The following BAG3 variants were observed in gnomAD, a reference collection of about 807,000 sequenced individuals.
BAG3 encodes BAG cochaperone 3.
Under a neutral mutation model 40.5 loss-of-function variants are expected in BAG3, and 14 were observed. The ratio of observed to expected loss-of-function variants is 0.35; its 90% CI spans 0.23 to 0.54. BAG3 has a LOEUF of 0.54. BAG3 is among the 20% of genes least tolerant of loss of function. BAG3 has a pLI of 0.91. For missense variants in BAG3, 788 were observed against 758.6 expected (o/e 1.04, Z -0.46); for synonymous variants, 302 against 307.8 (o/e 0.98, Z 0.20).
Position 119,676,808 on chromosome 10 carries a change from A to C in BAG3, c.1254A>C (p.Lys418Asn). ...CAGGAGAAGCCGAGGCTCCCCCAAA[A>C]CATCCAGGAGTGCTGAAAGTGGAAG... ...PKPGEAEAPP[K>N]HPGVLKVEAI... The change falls in exon 4 of 4, where the codon AAA becomes AAC. Residue 418 changes from lysine to asparagine, a missense_variant. Coordinates refer to ENST00000369085, the MANE Select transcript of BAG3 (RefSeq NM_004281.4). 6.2e-7 allele frequency: 1 copy of C among 1,614,110 alleles called. No individual in the cohort carries two copies. Among genetic ancestry groups the C allele is most frequent in the Non-Finnish European group, 8.5e-7 (1 of 1,180,012 alleles).
rs751900650 is a variant in BAG3 at position 119,676,703 on chromosome 10, C to T, written c.1149C>T (p.Val383=). ...CTCCCAGCCCTGGCCCTTCTGCTGT[C>T]CCCTCTTCCCCCAAGAGTGTGGCTA... ...CPPPSPGPSA[V]PSSPKSVATE... Residue 383 remains valine (V), a synonymous_variant, in exon 4 of 4, where the codon GTC becomes GTT. Transcript: ENST00000369085. The T allele has an allele frequency of 2.5e-6, 4 of 1,614,162 alleles. No homozygotes were observed. The highest frequency in any genetic ancestry group is 1.1e-5 in the South Asian group (1 of 91,080).
intron 1 of BAG3, among the ~76,000 whole-genome samples, chr10:119,665,092 T>TTTTTGTG (rs1554876558): frequency 1.1e-5 from 1 of 87,970 alleles, no homozygotes; most frequent in Non-Finnish European, 2.3e-5. Context: ...TAATTTTTGT[T>TTTTTGTG]TGTGTGTGTG....
intron 1 of BAG3, among the ~76,000 whole-genome samples, chr10:119,669,649 C>T (rs181526237): frequency 5.3e-5 from 8 of 152,248 alleles, no homozygotes; most frequent in Admixed American, 5.2e-4. Flanking sequence ...CTCCTGATGC[C>T]CCTAATTCCT....
Position 119,677,687 on chromosome 10 carries a change from C to T in BAG3, c.*405C>T. 1 of 241,002 alleles carries T rather than the reference C, an allele frequency of 4.1e-6. No homozygotes were observed. The allele number at this position is 241,002 out of a possible 1,614,324, so 14.9% of individuals were successfully genotyped here. A position where few individuals can be genotyped will look rare whatever the true frequency, so the allele number is the denominator to read the frequency against. On this transcript the variant is annotated 3_prime_UTR_variant, in exon 4 of 4. Transcript: ENST00000369085. ...GTTGCCATTTTAATGAGATGATTTT[C>T]TTCATCTCATAATTAAAATACCTGA...
intron 3 of BAG3, 88 bp from the exon 4 acceptor site, chr10:119,676,374 TCA>T: frequency 7.3e-7 from 1 of 1,378,788 alleles, no homozygotes; most frequent in African/African-American, 1.5e-5. Context: ...AAGCCATTTC[TCA>T]GTTTTCTTTC....
At chr10:119,664,779 C>T (rs1019086021) in intron 1 of BAG3, among the ~76,000 whole-genome samples, 2 of 152,180 alleles carry the variant, frequency 1.3e-5, no homozygotes, top group African/African-American at 4.8e-5. Context: ...ATGTTTTAGT[C>T]AGATTCTAGA....
At position 119,677,311 on chromosome 10, in the gene BAG3, A is replaced by AC; in HGVS notation, c.*31dup. The AC allele has an allele frequency of 6.2e-7, 1 of 1,612,484 alleles. No homozygotes were observed. Among genetic ancestry groups the AC allele is most frequent in the African/African-American group, 1.3e-5 (1 of 74,990 alleles). Reference sequence around the variant, plus strand: ...CTGCCCTGTAAAAATCAGACTCGGAACCGATGTGTGCTTTAGGGAATTTTA... The same window carrying AC: ...CTGCCCTGTAAAAATCAGACTCGGAACCCGATGTGTGCTTTAGGGAATTTTA... On this transcript the variant is annotated 3_prime_UTR_variant, in exon 4 of 4. Coordinates refer to ENST00000369085, the MANE Select transcript of BAG3 (RefSeq NM_004281.4).
intron 1 of BAG3, among the ~76,000 whole-genome samples, chr10:119,660,148 T>C (rs989944049): frequency 6.6e-6 from 1 of 152,164 alleles, no homozygotes; most frequent in African/African-American, 2.4e-5. Context: ...ACGTGTGCCC[T>C]GGTGAGGGGC....
At chr10:119,659,969 A>C (rs1846970173) in intron 1 of BAG3, among the ~76,000 whole-genome samples, 1 of 152,050 alleles carries the variant, frequency 6.6e-6, no homozygotes, top group South Asian at 2.1e-4. Flanking sequence ...CATGCCCTGA[A>C]GCTAACTTCA....
intron 1 of BAG3, among the ~76,000 whole-genome samples, chr10:119,661,663 GA>G (rs1448694898): frequency 5.3e-5 from 8 of 152,156 alleles, no homozygotes; most frequent in Admixed American, 5.2e-4. Flanking sequence ...AGGCATATTA[GA>G]TAAAGCCTCC....
intron 1 of BAG3, among the ~76,000 whole-genome samples, chr10:119,659,391 C>T (rs1238148478): frequency 1.3e-5 from 2 of 152,204 alleles, no homozygotes; most frequent in Non-Finnish European, 2.9e-5. Context: ...TGAGGGGGGA[C>T]ATCAGCCCAC....
At chr10:119,675,835 CT>C (rs1847218676) in intron 3 of BAG3, among the ~76,000 whole-genome samples, 1 of 47,032 alleles carries the variant, frequency 2.1e-5, no homozygotes, top group Non-Finnish European at 4.5e-5. Flanking sequence ...CCCCTTCCCC[CT>C]TCCCTCCTTC....
intron 1 of BAG3, among the ~76,000 whole-genome samples, chr10:119,664,361 A>G (rs1847031406): frequency 6.6e-6 from 1 of 152,218 alleles, no homozygotes; most frequent in Admixed American, 6.5e-5. Flanking sequence ...TGCAATGCAC[A>G]AACAAGGGGG....
At chr10:119,667,971 C>T (rs550431578) in intron 1 of BAG3, among the ~76,000 whole-genome samples, 4 of 152,354 alleles carry the variant, frequency 2.6e-5, no homozygotes, top group Non-Finnish European at 4.4e-5. Context: ...GTTTCTTCAG[C>T]GCCTCTTGCT....
chr10:119,655,010 C>T (rs959781314), intron 1 of BAG3, among the ~76,000 whole-genome samples: 6 of 152,128 alleles, frequency 3.9e-5, no homozygotes, highest in Admixed American at 2.0e-4. Context: ...AGTGTAGGGC[C>T]CAGAAAACTA....
intron 1 of BAG3, among the ~76,000 whole-genome samples, chr10:119,668,689 G>T (rs1351907881): frequency 6.6e-6 from 1 of 152,220 alleles, no homozygotes; most frequent in East Asian, 1.9e-4. Context: ...TCCCAAAATA[G>T]CCAGGCCACT....
intron 1 of BAG3, chr10:119,657,615 G>GGGC (rs1236229166): frequency 4.2e-6 from 2 of 470,910 alleles, no homozygotes; most frequent in Admixed American, 4.7e-5. Context: ...CTGCAGAGTT[G>GGGC]TCCTGGGCTC....
At position 119,651,718 on chromosome 10, in the gene BAG3, G is replaced by A. The variant is rs768378511; in HGVS notation, c.43G>A (p.Gly15Ser). 6 of 1,595,832 alleles carry A rather than the reference G, an allele frequency of 3.8e-6. No homozygotes were observed. The highest frequency in any genetic ancestry group is 3.4e-5 in the South Asian group (3 of 88,886). ...THSPMMQVAS[G>S]NGDRDPLPPG... ...CTCGCCCATGATGCAGGTGGCGTCC[G>A]GCAACGGTGACCGCGACCCTTTGCC... The change falls in exon 1 of 4, where the codon GGC (glycine) becomes AGC (serine). Residue 15 changes from glycine (G) to serine (S), a missense_variant. Gly to Ser is a moderately conservative substitution (Grantham distance 56). Transcript: ENST00000369085.
intron 1 of BAG3, among the ~76,000 whole-genome samples, chr10:119,661,890 A>G (rs1169586331): frequency 6.6e-6 from 1 of 152,146 alleles, no homozygotes; most frequent in Non-Finnish European, 1.5e-5. Context: ...TGGGGACTGA[A>G]GGGATTTTGA....
Sources: gnomAD v4.1 joint callset for allele counts (sites outside exome capture counted in the v4.1 genomes callset) on GRCh38, gnomAD v4.1.1 for gene constraint, MANE v1.5 for transcripts, NCBI Gene and HGNC (gene_info 2026-07-23, HGNC 2026-07-21) for gene names.